Variants in PABPC1 observed in about 807,000 individuals in gnomAD.
PABPC1 encodes the protein poly(A) binding protein cytoplasmic 1.
In PABPC1, 4 loss-of-function variants were observed where a neutral mutation model predicts 74.0. The ratio of observed to expected loss-of-function variants is 0.05; its 90% CI spans 0.03 to 0.12. The LOEUF is 0.12. Among genes scored for constraint, PABPC1 ranks in the 10% least tolerant of loss-of-function variants. The pLI, the probability that PABPC1 is intolerant of heterozygous loss-of-function variation, is 1.00. For synonymous variants in PABPC1, 227 were observed against 264.1 expected (o/e 0.86, Z 1.36); for missense variants, 271 against 821.1 (o/e 0.33, Z 8.19).
At position 100,713,189 on chromosome 8, in the gene PABPC1, ATTT is replaced by A. The variant is rs564276728; in HGVS notation, c.644-11_644-9del. The stretch of plus-strand genomic sequence containing the variant: ...TCACACTTAAGGCAGGCCCTAAAAA[ATTT>A]TTTTACATAAATCAAAGATATTCCA... On this transcript the variant is annotated splice_polypyrimidine_tract_variant and intron_variant, in intron 4 of 14. Transcript: ENST00000318607. The A allele has an allele frequency of 4.8e-6, 7 of 1,467,364 alleles. No homozygotes were observed. Among genetic ancestry groups the A allele is most frequent in the East Asian group, 2.3e-5 (1 of 42,948 alleles). 90.9% of individuals were successfully genotyped at this position (1,467,364 alleles called of 1,614,324 possible). A position where few individuals can be genotyped will look rare whatever the true frequency, so the allele number is the denominator to read the frequency against.
chr8:100,706,927 A>T lies in PABPC1; in HGVS notation c.1407T>A (p.Ala469=). The part of the protein sequence containing the change: ...PRPPFSTMRP[A]SSQVPRVMST... Reference sequence around the variant, plus strand: ...ACATGACTCGTGGAACCTGTGAAGAAGCTGGTCTCATAGTACTAAATGGTG... The same window carrying T: ...ACATGACTCGTGGAACCTGTGAAGATGCTGGTCTCATAGTACTAAATGGTG... The change falls in exon 10 of 15, where the codon GCT becomes GCA. Residue 469 remains alanine (A), a synonymous_variant. Coordinates refer to ENST00000318607, the MANE Select transcript of PABPC1 (RefSeq NM_002568.4). 6.2e-7 allele frequency: 1 copy of T among 1,614,170 alleles called. No individual in the cohort carries two copies. Among genetic ancestry groups the T allele is most frequent in the Non-Finnish European group, 8.5e-7 (1 of 1,180,000 alleles).
At chr8:100,709,058 C>T in intron 9 of PABPC1, 75 bp downstream of exon 9, 1 of 1,092,374 alleles carries the variant, frequency 9.2e-7, no homozygotes, top group Non-Finnish European at 1.4e-6. Context: ...CTAACATTGA[C>T]ATAGAAGAGC....
At chr8:100,718,339 G>C (rs1425487519) in intron 1 of PABPC1, 59 bp from the exon 2 acceptor site, 2 of 1,396,798 alleles carry the variant, frequency 1.4e-6, no homozygotes, top group East Asian at 2.4e-5. Flanking sequence ...GGCTACTTAA[G>C]ATTATATAAA....
At position 100,721,375 on chromosome 8, in the gene PABPC1, G is replaced by A. The variant is rs760358522; in HGVS notation, c.193+16C>T. 3 of 1,445,020 alleles carry A rather than the reference G, an allele frequency of 2.1e-6. No homozygotes were observed. The highest frequency in any genetic ancestry group is 2.8e-6 in the Non-Finnish European group (3 of 1,087,522). The allele number at this position is 1,445,020 out of a possible 1,614,324, so 89.5% of individuals were successfully genotyped here. A position where few individuals can be genotyped will look rare whatever the true frequency, so the allele number is the denominator to read the frequency against. On this transcript the variant is annotated intron_variant, in intron 1 of 14. Transcript: ENST00000318607. This position sits in a 1 kb window ranked among gnomAD's most constrained non-coding sequence, Gnocchi z 7.4. ...GCCGCCCGCCCGCCCGGCCGACCGC[G>A]GAGCCCGGCGCTCACCGTCCGCCGG...
At chr8:100,713,729 T>G (rs1372921719) in intron 4 of PABPC1, among the ~76,000 whole-genome samples, 1 of 152,168 alleles carries the variant, frequency 6.6e-6, no homozygotes, top group African/African-American at 2.4e-5. Flanking sequence ...TTCAAGTATC[T>G]TCCCTCTTTG....
In PABPC1 at chr8:100,715,457, A is replaced by T; in HGVS notation, c.643+5T>A. 1 of 1,585,998 alleles carries T rather than the reference A, an allele frequency of 6.3e-7. No homozygotes were observed. Reference sequence around the variant, plus strand: ...GTGTGTAAAAATTTAATTAAGACACATTACCAAACTTGCCAAAGAGATCCT... The same window carrying T: ...GTGTGTAAAAATTTAATTAAGACACTTTACCAAACTTGCCAAAGAGATCCT... On this transcript the variant is annotated splice_donor_5th_base_variant and intron_variant, in intron 4 of 14. Coordinates refer to ENST00000318607, the MANE Select transcript of PABPC1 (RefSeq NM_002568.4).
At position 100,715,610 on chromosome 8, in the gene PABPC1, A is replaced by G. The variant is rs911655061; in HGVS notation, c.504-9T>C. 5.6e-6 allele frequency: 9 copies of G among 1,595,648 alleles called. No individual in the cohort carries two copies. The African/African-American group carries it at 1.2e-4, about 21-fold the overall frequency. ...TAAATCGTCCAACAAATCTAATAAG[A>G]TATACAAGGACTATAACATTAGATT... is the stretch of plus-strand genomic sequence containing the variant. On this transcript the variant is annotated splice_polypyrimidine_tract_variant and intron_variant, in intron 3 of 14. Transcript: ENST00000318607.
chr8:100,705,012 C>G lies in PABPC1; in HGVS notation c.1732G>C (p.Ala578Pro), dbSNP rs1296715159. ...AACAACATGCCAGTGATTTTACCAGCAAGAGTAGGGTGCATGGCTTGAATA... is the reference window on the plus strand; with the variant it reads ...AACAACATGCCAGTGATTTTACCAGGAAGAGTAGGGTGCATGGCTTGAATA... ...PLIQAMHPTL[A>P]GKITGMLLEI... The change falls in exon 13 of 15, where the codon GCT becomes CCT. Residue 578 changes from alanine to proline, a missense_variant. Physicochemically the swap from Ala to Pro is conservative, Grantham distance 27. Coordinates refer to ENST00000318607, the MANE Select transcript of PABPC1 (RefSeq NM_002568.4). 1 of 1,613,820 alleles carries G rather than the reference C, an allele frequency of 6.2e-7. No homozygotes were observed. Among genetic ancestry groups the G allele is most frequent in the Non-Finnish European group, 8.5e-7 (1 of 1,179,968 alleles).
At chr8:100,714,713 A>G (rs944896357) in intron 4 of PABPC1, among the ~76,000 whole-genome samples, 2 of 151,168 alleles carry the variant, frequency 1.3e-5, no homozygotes, top group Non-Finnish European at 2.9e-5. Flanking sequence ...CGGGTGACAG[A>G]GCAAGAGTCA....
intron 7 of PABPC1, among the ~76,000 whole-genome samples, chr8:100,712,083 A>T (rs758034510): frequency 6.6e-6 from 1 of 152,270 alleles, no homozygotes; most frequent in African/African-American, 2.4e-5. Flanking sequence ...AGTAACAATT[A>T]TAAGTCCCTA....
rs569412796 is a variant in PABPC1, at chr8:100,714,331, A to T, written c.643+1131T>A. ...AGCTAAATTTGGGGGTTGAGATGTAAACATGATGTCACTTTCTATGTTTTA... is the reference window on the plus strand; with the variant it reads ...AGCTAAATTTGGGGGTTGAGATGTATACATGATGTCACTTTCTATGTTTTA... On this transcript the variant is annotated intron_variant, in intron 4 of 14. Transcript: ENST00000318607. Among the ~76,000 whole-genome samples, 3 of 152,312 alleles carry T rather than the reference A, an allele frequency of 2.0e-5. No homozygotes were observed. In the East Asian group the frequency reaches 5.8e-4, roughly 29 times the overall value.
chr8:100,710,982 C>T (rs1156963533), intron 7 of PABPC1, among the ~76,000 whole-genome samples: 1 of 149,012 alleles, frequency 6.7e-6, no homozygotes, highest in Non-Finnish European at 1.5e-5. Flanking sequence ...AACAAATGTT[C>T]CCTTAATCAA....
intron 4 of PABPC1, among the ~76,000 whole-genome samples, chr8:100,714,102 A>G (rs939051174): frequency 1.3e-5 from 2 of 152,232 alleles, no homozygotes; most frequent in Non-Finnish European, 2.9e-5. Context: ...ACAGAAATTT[A>G]GAAGATGTAT....
chr8:100,721,656 G>A lies in PABPC1; in HGVS notation c.-73C>T, dbSNP rs2129773644. The A allele has an allele frequency of 1.5e-6, 2 of 1,299,698 alleles. No homozygotes were observed. Among genetic ancestry groups the A allele is most frequent in the Non-Finnish European group, 2.0e-6 (2 of 985,836 alleles). The allele number at this position is 1,299,698 out of a possible 1,614,324, so 80.5% of individuals were successfully genotyped here. Reference sequence around the variant, plus strand: ...AGGAGGAGAGCGAGTGCCGGGGCTGGGGGCCGGAGCCGGGGGGAGGGGAGC... The same window carrying A: ...AGGAGGAGAGCGAGTGCCGGGGCTGAGGGCCGGAGCCGGGGGGAGGGGAGC... On this transcript the variant is annotated 5_prime_UTR_variant, in exon 1 of 15. Coordinates refer to ENST00000318607, the MANE Select transcript of PABPC1 (RefSeq NM_002568.4). The surrounding 1 kb of genome is among the most constrained non-coding windows in gnomAD (Gnocchi z 7.4).
rs541311455 is a variant in PABPC1, at chr8:100,718,043, T to C, written c.387+44A>G. On this transcript the variant is annotated intron_variant, in intron 2 of 14. Transcript: ENST00000318607. The stretch of plus-strand genomic sequence containing the variant: ...CCTATTTCAAGCACTAAACTAAATG[T>C]AGCTCAACAATGTAAACATGTGTAT... 2.2e-4 allele frequency: 340 copies of C among 1,535,754 alleles called. 4 individuals are homozygous for C. The South Asian group carries it at 3.7e-3, about 17-fold the overall frequency.
chr8:100,711,788 T>A (rs1308234165), intron 7 of PABPC1, among the ~76,000 whole-genome samples: 1 of 152,188 alleles, frequency 6.6e-6, no homozygotes, highest in Non-Finnish European at 1.5e-5. Flanking sequence ...AGTTGTAATT[T>A]TTTTCTATGC....
rs1810810267 is a variant in PABPC1 at position 100,721,029 on chromosome 8, C to G, written c.193+362G>C. Among the ~76,000 whole-genome samples, 1 of 151,670 alleles carries G rather than the reference C, an allele frequency of 6.6e-6. No homozygotes were observed. Among genetic ancestry groups the G allele is most frequent in the Non-Finnish European group, 1.5e-5 (1 of 68,040 alleles). On this transcript the variant is annotated intron_variant, in intron 1 of 14. Transcript: ENST00000318607. The surrounding 1 kb of genome is among the most constrained non-coding windows in gnomAD (Gnocchi z 7.4). The stretch of plus-strand genomic sequence containing the variant: ...GTGGTGGGAGCGCCTCCACCTCTTA[C>G]CCACGGAAGGAGCTCAGCGTTCAAC...
chr8:100,716,283 C>A (rs3104313), intron 3 of PABPC1, among the ~76,000 whole-genome samples: 10,343 of 152,144 alleles, frequency 0.068, 576 homozygotes, highest in East Asian at 0.18. Flanking sequence ...CACCTGTAAT[C>A]CCACCTACTT....
Position 100,718,077 on chromosome 8 carries a change from T to A in PABPC1, c.387+10A>T. The A allele has an allele frequency of 6.3e-7, 1 of 1,585,626 alleles. No individual in the cohort carries two copies. Among genetic ancestry groups the A allele is most frequent in the Non-Finnish European group, 8.6e-7 (1 of 1,163,792 alleles). ...AATGTAAACATGTGTATCGGACATT[T>A]TTGGCTTACCTTACATGAAAGGATG... On this transcript the variant is annotated intron_variant, in intron 2 of 14. Transcript: ENST00000318607.
Sources: allele counts gnomAD v4.1 joint callset (sites outside exome capture counted in the v4.1 genomes callset), GRCh38; gene constraint gnomAD v4.1.1; non-coding constraint Gnocchi (gnomAD v3.1); transcripts MANE v1.5; gene names NCBI Gene and HGNC (gene_info 2026-07-23, HGNC 2026-07-21).